IL1RAPL2: variants seen among roughly 807,000 people sequenced by gnomAD.
The protein encoded by IL1RAPL2 is X-linked interleukin-1 receptor accessory protein-like 2.
Under a neutral mutation model 44.1 loss-of-function variants are expected in IL1RAPL2, and 3 were observed. The ratio of observed to expected loss-of-function variants is 0.07; its 90% CI spans 0.03 to 0.18. The LOEUF is 0.18. IL1RAPL2 is among the 10% of genes least tolerant of loss of function. The probability of loss-of-function intolerance (pLI) is 1.00; values close to 1 mark genes in which losing one functional copy is unlikely to be tolerated. For synonymous variants in IL1RAPL2, 181 were observed against 178.8 expected, an observed-to-expected ratio of 1.01 and a Z score of -0.10; for missense variants, 391 against 496.4, an observed-to-expected ratio of 0.79 and a Z score of 2.02.
At chrX:105,764,618 T>C (rs1171723182) in intron 10 of IL1RAPL2, among the ~76,000 whole-genome samples, 2 of 110,981 alleles carry the variant, frequency 1.8e-5, no homozygotes, top group African/African-American at 6.6e-5. Flanking sequence ...CTGAGCAACA[T>C]AGTGAGACCC....
At chrX:105,717,545 G>T (rs749170527) in intron 7 of IL1RAPL2, 49 bp downstream of exon 7, 3 of 1,118,092 alleles carry the variant, frequency 2.7e-6, no homozygotes, top group Admixed American at 4.9e-5. Flanking sequence ...ACGGGATTCT[G>T]CTCAGGATTT....
chrX:105,728,722 T>G (rs1252538278), intron 7 of IL1RAPL2, among the ~76,000 whole-genome samples: 1 of 111,226 alleles, frequency 9.0e-6, no homozygotes, highest in Non-Finnish European at 1.9e-5. Flanking sequence ...CTATACATTA[T>G]TGTTAAAGTC....
intron 2 of IL1RAPL2, among the ~76,000 whole-genome samples, chrX:104,676,517 C>G (rs1930761650): frequency 8.9e-6 from 1 of 111,952 alleles, no homozygotes; most frequent in African/African-American, 3.3e-5. Flanking sequence ...ACCTTTCTCT[C>G]TGGCTGCCCT....
intron 5 of IL1RAPL2, among the ~76,000 whole-genome samples, chrX:105,304,164 T>C (rs952799128): frequency 1.8e-5 from 2 of 112,552 alleles, no homozygotes; most frequent in African/African-American, 6.5e-5. Context: ...CAGAATATGT[T>C]CATTGCCCAA....
intron 2 of IL1RAPL2, among the ~76,000 whole-genome samples, chrX:105,007,202 G>C (rs900185222): frequency 9.0e-6 from 1 of 111,321 alleles, no homozygotes; most frequent in South Asian, 3.7e-4. Flanking sequence ...ACTAATGAGA[G>C]GTGCTCAGTT....
rs556697457 is a variant in IL1RAPL2, at chrX:105,068,162, G to A, written c.83-127313G>A. ...AATTAAGAAAAACCCTGGTCTACTT[G>A]ATGACCTTAAAATGGACTCCAGGAA... On this transcript the variant is annotated intron_variant, in intron 2 of 10. Coordinates refer to ENST00000372582, the MANE Select transcript of IL1RAPL2 (RefSeq NM_017416.2). Among the ~76,000 whole-genome samples, 216 of 111,382 alleles carry A rather than the reference G, an allele frequency of 1.9e-3. 3 individuals are homozygous for A. The highest frequency in any genetic ancestry group is 0.014 in the Admixed American group (144 of 10,433).
In IL1RAPL2 at chrX:105,629,324, T is replaced by G. The variant is rs749382570; in HGVS notation, c.773-88043T>G. Among the ~76,000 whole-genome samples the G allele has an allele frequency of 8.1e-5, 9 of 111,772 alleles. No individual in the cohort carries two copies. The East Asian group carries it at 2.5e-3, about 32-fold the overall frequency. On this transcript the variant is annotated intron_variant, in intron 6 of 10. Transcript: ENST00000372582. ...CTTCAGCCTCCTGTCAGGCTCTTGT[T>G]TTTGTCTTTGATCCTTTGAAATGGC... is the stretch of plus-strand genomic sequence containing the variant.
chrX:105,209,158 T>G (rs2033788496), intron 3 of IL1RAPL2, among the ~76,000 whole-genome samples: 1 of 112,084 alleles, frequency 8.9e-6, no homozygotes, highest in African/African-American at 3.2e-5. Flanking sequence ...TTTTAAGCAT[T>G]TAGGGAAGCT....
chrX:105,651,659 G>C (rs563614246), intron 6 of IL1RAPL2, among the ~76,000 whole-genome samples: 7 of 111,423 alleles, frequency 6.3e-5, no homozygotes, highest in African/African-American at 2.3e-4. Context: ...GTTATTCCTA[G>C]TTATGGAAAT....
At chrX:104,682,341 A>G (rs1021617357) in intron 2 of IL1RAPL2, among the ~76,000 whole-genome samples, 2 of 112,640 alleles carry the variant, frequency 1.8e-5, no homozygotes, top group Non-Finnish European at 3.8e-5. Context: ...TTGGTAGACT[A>G]TATGGCTGGT....
At chrX:104,578,294 G>T (rs1478769411) in intron 1 of IL1RAPL2, among the ~76,000 whole-genome samples, 1 of 112,259 alleles carries the variant, frequency 8.9e-6, no homozygotes, top group Non-Finnish European at 1.9e-5. Flanking sequence ...CATGTGAAAA[G>T]ACAGAAAGAG....
At chrX:104,861,068 A>G (rs1922480900) in intron 2 of IL1RAPL2, among the ~76,000 whole-genome samples, 1 of 111,652 alleles carries the variant, frequency 9.0e-6, no homozygotes, top group Non-Finnish European at 1.9e-5. Flanking sequence ...TATTACCTGA[A>G]TTTCTAAATT....
At chrX:105,395,765 A>G (rs1331761161) in intron 5 of IL1RAPL2, among the ~76,000 whole-genome samples, 2 of 112,088 alleles carry the variant, frequency 1.8e-5, no homozygotes, top group Non-Finnish European at 3.8e-5. Context: ...TTCAGATGTC[A>G]TCCTTGACTT....
At chrX:105,742,711 T>C (rs1220962343) in intron 8 of IL1RAPL2, among the ~76,000 whole-genome samples, 1 of 111,607 alleles carries the variant, frequency 9.0e-6, no homozygotes, top group African/African-American at 3.3e-5. Context: ...CTCCATCTCA[T>C]GGTTTTGCTT....
intron 2 of IL1RAPL2, among the ~76,000 whole-genome samples, chrX:105,071,647 G>A (rs1286815532): frequency 8.9e-6 from 1 of 111,964 alleles, no homozygotes; most frequent in Non-Finnish European, 1.9e-5. Context: ...AACCAAAATA[G>A]CATGGTAGCA....
intron 5 of IL1RAPL2, among the ~76,000 whole-genome samples, chrX:105,374,606 A>G (rs1345210675): frequency 9.0e-6 from 1 of 110,689 alleles, no homozygotes; most frequent in Non-Finnish European, 1.9e-5. Flanking sequence ...GGCAATTGTC[A>G]ATGAGATTGT....
intron 2 of IL1RAPL2, among the ~76,000 whole-genome samples, chrX:104,892,317 G>C (rs1426430052): frequency 8.9e-6 from 1 of 111,963 alleles, no homozygotes; most frequent in Non-Finnish European, 1.9e-5. Context: ...CATAAAATGA[G>C]TTAGGGAAGA....
intron 3 of IL1RAPL2, among the ~76,000 whole-genome samples, chrX:105,213,133 A>G (rs1402530635): frequency 9.0e-6 from 1 of 110,699 alleles, no homozygotes; most frequent in Admixed American, 9.6e-5. Context: ...TGAGATTGAC[A>G]AATTGACAGA....
intron 2 of IL1RAPL2, among the ~76,000 whole-genome samples, chrX:105,156,491 G>T (rs779527560): frequency 8.9e-6 from 1 of 112,052 alleles, no homozygotes; most frequent in South Asian, 3.7e-4. Context: ...TCCTGGCTGT[G>T]GTATAAGCTC....
Sources: gnomAD v4.1 joint callset for allele counts (sites outside exome capture counted in the v4.1 genomes callset) on GRCh38, gnomAD v4.1.1 for gene constraint, MANE v1.5 for transcripts, NCBI Gene and HGNC (gene_info 2026-07-23, HGNC 2026-07-21) for gene names.